The following ZNF467 variants were observed in gnomAD, a reference collection of about 807,000 sequenced individuals.
ZNF467 encodes zinc finger protein 467.
ZNF467 carries 51 observed loss-of-function variants against 47.8 expected under a neutral mutation model. The observed-to-expected ratio is 1.07, with a 90% CI of 0.85 to 1.35. The LOEUF (loss-of-function observed/expected upper bound fraction) is 1.35, where lower values mean the gene tolerates loss of function less well. Among genes scored for constraint, ZNF467 ranks in the 40% most tolerant of loss-of-function variants. The pLI is 0.00. For missense variants in ZNF467, 992 were observed against 858.1 expected (o/e 1.16, Z -1.95); for synonymous variants, 416 against 372.9 (o/e 1.12, Z -1.33).
chr7:149,772,076 T>G, intron 1 of ZNF467, among the ~76,000 whole-genome samples: 1 of 128,150 alleles, frequency 7.8e-6, no homozygotes, highest in South Asian at 2.9e-4. Flanking sequence ...CCCTCCTCTT[T>G]TCCTTCCTCG....
Position 149,765,966 on chromosome 7 carries a change from T to G in ZNF467, c.536A>C (p.Gln179Pro). Residue 179 changes from glutamine (Q) to proline (P), a missense_variant, in exon 5 of 5, where the codon CAG (glutamine) becomes CCG (proline). Physicochemically the swap from Gln to Pro is moderately conservative, Grantham distance 76. Coordinates refer to ENST00000302017, the MANE Select transcript of ZNF467 (RefSeq NM_207336.3). ...GGGGCCCTCGCCCCGGTGCAGCCGC[T>G]GGTGCAGTCGCAACGTCAGCTGGTC... Reference protein sequence around the residue: ...FRDQLTLRLHQRLHRGEGPCA... With the variant: ...FRDQLTLRLHPRLHRGEGPCA... 1 of 1,554,128 alleles carries G rather than the reference T, an allele frequency of 6.4e-7. No homozygotes were observed. Among genetic ancestry groups the G allele is most frequent in the Non-Finnish European group, 8.7e-7 (1 of 1,149,704 alleles).
intron 3 of ZNF467, 56 bp downstream of exon 3, chr7:149,770,384 C>T: frequency 7.9e-7 from 1 of 1,259,438 alleles, no homozygotes; most frequent in Non-Finnish European, 1.1e-6. Context: ...GTAGGGAGGG[C>T]AGGAGGAAAG....
upstream of ZNF467, chr7:149,776,422 GC>G (rs745964751): frequency 2.9e-6 from 4 of 1,357,476 alleles, no homozygotes; most frequent in Admixed American, 7.8e-5. Context: ...GGTACCCTGT[GC>G]CAGCCTCGAC....
rs1454203329 is a variant in ZNF467 at position 149,770,448 on chromosome 7, AC to A, written c.142del (p.Val48CysfsTer45). On this transcript the variant is annotated frameshift_variant, in exon 3 of 5. Coordinates refer to ENST00000302017, the MANE Select transcript of ZNF467 (RefSeq NM_207336.3). LOFTEE classifies it high-confidence loss of function. ...SSSREERALGVCSGHEAPTPE... is the reference protein window; with the variant it reads ...SSSREERALGXCSGHEAPTPE... The stretch of plus-strand genomic sequence containing the variant: ...GGGTTCCTGTTACCTACCTGAGCAC[AC>A]CCCCAGTGCTCTCTCTTCCCTAGAA... The A allele has an allele frequency of 1.9e-6, 3 of 1,603,310 alleles. No individual in the cohort carries two copies. Among genetic ancestry groups the A allele is most frequent in the Non-Finnish European group, 2.6e-6 (3 of 1,174,372 alleles).
chr7:149,776,252 C>A, upstream of ZNF467: 1 of 1,193,846 alleles, frequency 8.4e-7, no homozygotes, highest in Non-Finnish European at 1.1e-6. Flanking sequence ...ATCCTCCTTA[C>A]TTCAATAACC....
chr7:149,775,708 TAC>T (rs3085320), upstream of ZNF467, among the ~76,000 whole-genome samples: 25,390 of 138,384 alleles, frequency 0.18, 1,853 homozygotes, highest in East Asian at 0.27. Flanking sequence ...AGTGTGAAAA[TAC>T]ACACACACAC....
Position 149,765,013 on chromosome 7 carries a change from T to G in ZNF467, c.1489A>C (p.Ser497Arg). Residue 497 changes from serine (S) to arginine (R), a missense_variant, in exon 5 of 5, where the codon AGC (serine) becomes CGC (arginine). Coordinates refer to ENST00000302017, the MANE Select transcript of ZNF467 (RefSeq NM_207336.3). ...TGGCGGCCCAGGTGCGACTTGCGGC[T>G]GAAGCGGCGGCCGCACTGAGCGCAG... Reference protein sequence around the residue: ...FACAQCGRRFSRKSHLGRHQA... With the variant: ...FACAQCGRRFRRKSHLGRHQA... The G allele has an allele frequency of 6.3e-7, 1 of 1,581,354 alleles. No homozygotes were observed. The highest frequency in any genetic ancestry group is 8.6e-7 in the Non-Finnish European group (1 of 1,169,494).
At position 149,765,946 on chromosome 7, in the gene ZNF467, C is replaced by T. The variant is rs1325911504; in HGVS notation, c.556G>A (p.Gly186Ser). The T allele has an allele frequency of 5.8e-6, 9 of 1,552,514 alleles. No individual in the cohort carries two copies. The highest frequency in any genetic ancestry group is 7.8e-6 in the Non-Finnish European group (9 of 1,149,206). ...RLHQRLHRGE[G>S]PCACPDCGRS... is the part of the protein sequence containing the mutation. Reference sequence around the variant, plus strand: ...CCGCAGTCCGGGCAGGCGCAGGGGCCCTCGCCCCGGTGCAGCCGCTGGTGC... The same window carrying T: ...CCGCAGTCCGGGCAGGCGCAGGGGCTCTCGCCCCGGTGCAGCCGCTGGTGC... The change falls in exon 5 of 5, where the codon GGC (glycine) becomes AGC (serine). Residue 186 changes from glycine (G) to serine (S), a missense_variant. Coordinates refer to ENST00000302017, the MANE Select transcript of ZNF467 (RefSeq NM_207336.3).
At chr7:149,771,499 G>C (rs1799405675) in intron 1 of ZNF467, among the ~76,000 whole-genome samples, 1 of 152,142 alleles carries the variant, frequency 6.6e-6, no homozygotes, top group African/African-American at 2.4e-5. Context: ...TGCCCGAGCT[G>C]GTGAAATAGG....
chr7:149,765,115 G>A lies in ZNF467; in HGVS notation c.1387C>T (p.Gln463Ter), dbSNP rs964166550. 1.4e-6 allele frequency: 2 copies of A among 1,474,206 alleles called. No individual in the cohort carries two copies. Among genetic ancestry groups the A allele is most frequent in the Non-Finnish European group, 1.8e-6 (2 of 1,117,116 alleles). 91.3% of individuals were successfully genotyped at this position (1,474,206 alleles called of 1,614,324 possible). The change falls in exon 5 of 5, where the codon CAG (glutamine) becomes TAG (stop). Residue 463 changes from glutamine to a stop codon, truncating the protein, a stop_gained. Transcript: ENST00000302017. LOFTEE classifies it high-confidence loss of function. ...CGCGAGCCGAAGCGGCGGTCACACT[G>A]CGTGCAGGCGAAGGGCCGTTCGCCC... Reference protein sequence around the residue: ...HTGERPFACTQCDRRFGSRPN... With the variant: ...HTGERPFACT
rs764084597 is a variant in ZNF467, at chr7:149,765,551, C to T, written c.951G>A (p.Arg317=). Residue 317 remains arginine (R), a synonymous_variant, in exon 5 of 5, where the codon CGG becomes CGA. Coordinates refer to ENST00000302017, the MANE Select transcript of ZNF467 (RefSeq NM_207336.3). The part of the protein sequence containing the change: ...RSFTHKQHLV[R]HQRVHQTAGP... ...CGGCCGTCTGGTGCACCCTTTGGTG[C>T]CGCACCAAGTGCTGCTTGTGCGTGA... is the stretch of plus-strand genomic sequence containing the variant. The T allele has an allele frequency of 1.1e-5, 18 of 1,582,512 alleles. No homozygotes were observed. The highest frequency in any genetic ancestry group is 1.5e-5 in the Non-Finnish European group (18 of 1,164,452).
chr7:149,765,701 G>C lies in ZNF467; in HGVS notation c.801C>G (p.Thr267=), dbSNP rs768406178. 3 of 1,613,220 alleles carry C rather than the reference G, an allele frequency of 1.9e-6. No individual in the cohort carries two copies. In the South Asian group the frequency reaches 3.3e-5, roughly 18 times the overall value. ...CCGTGCAGGGGAAGGGCCGCTCGCC[G>C]GTGTGGGTCTTTTGGTGCGAGCCCA... The part of the protein sequence containing the change: ...IHLGSHQKTH[T]GERPFPCTEC... The change falls in exon 5 of 5, where the codon ACC becomes ACG. Residue 267 remains threonine (T), a synonymous_variant. Transcript: ENST00000302017.
chr7:149,766,377 A>C, intron 4 of ZNF467, 138 bp from the exon 5 acceptor site: 2 of 1,387,048 alleles, frequency 1.4e-6, no homozygotes, highest in Non-Finnish European at 1.9e-6. Flanking sequence ...GAGTGACCAA[A>C]TCCGCAGCTC....
At chr7:149,772,656 G>T (rs1278338941) in intron 1 of ZNF467, among the ~76,000 whole-genome samples, 1 of 142,444 alleles carries the variant, frequency 7.0e-6, no homozygotes, top group Non-Finnish European at 1.5e-5. Flanking sequence ...AGCTCCGATC[G>T]CCGACTTCAT....
chr7:149,776,114 C>T (rs148273580), upstream of ZNF467: 8,259 of 1,357,280 alleles, frequency 6.1e-3, 55 homozygotes, highest in South Asian at 0.02. Context: ...CCCTGGACCC[C>T]TCTGACAAGG....
chr7:149,765,794 G>A lies in ZNF467; in HGVS notation c.708C>T (p.Arg236=). The change falls in exon 5 of 5, where the codon CGC becomes CGT. Residue 236 remains arginine (R), a synonymous_variant. Coordinates refer to ENST00000302017, the MANE Select transcript of ZNF467 (RefSeq NM_207336.3). ...GGTAGGGCCGCTCGCCCGTGTGCGTGCGCAGGTGGCGGGTCAGATGGGCCT... is the reference window on the plus strand; with the variant it reads ...GGTAGGGCCGCTCGCCCGTGTGCGTACGCAGGTGGCGGGTCAGATGGGCCT... The part of the protein sequence containing the change: ...SKKAHLTRHL[R]THTGERPYPC... 6.2e-7 allele frequency: 1 copy of A among 1,611,348 alleles called. No individual in the cohort carries two copies. The highest frequency in any genetic ancestry group is 8.5e-7 in the Non-Finnish European group (1 of 1,178,948).
At position 149,765,837 on chromosome 7, in the gene ZNF467, T is replaced by A. The variant is rs1799189146; in HGVS notation, c.665A>T (p.Asp222Val). The change falls in exon 5 of 5, where the codon GAC (aspartate) becomes GTC (valine). Residue 222 changes from aspartate (D) to valine (V), a missense_variant. Physicochemically the swap from Asp to Val is radical, Grantham distance 152. Transcript: ENST00000302017. ...ATGGGCCTTCTTGCTGAAGCGCTTG[T>A]CGCACTCGGAGCACGGGAAAGGCCG... ...GERPFPCSEC[D>V]KRFSKKAHLT... 2 of 1,608,554 alleles carry A rather than the reference T, an allele frequency of 1.2e-6. No homozygotes were observed. Among genetic ancestry groups the A allele is most frequent in the Non-Finnish European group, 8.5e-7 (1 of 1,177,922 alleles).
At position 149,769,094 on chromosome 7, in the gene ZNF467, G is replaced by T; in HGVS notation, c.258C>A (p.Cys86Ter). The stretch of plus-strand genomic sequence containing the variant: ...TGAAGTGATGGGAAGACTCACCTGG[G>T]CAGGTACCCACAGGCTGAGCCTTCT... ...SAQKAQPVGT[C>*]PGEEWMIRKV... The change falls in exon 4 of 5, where the codon TGC (cysteine) becomes TGA (stop). Residue 86 changes from cysteine to a stop codon, truncating the protein, a stop_gained. Transcript: ENST00000302017. LOFTEE classifies it high-confidence loss of function. This position sits in a 1 kb window ranked among gnomAD's most constrained non-coding sequence, Gnocchi z 5.3. 3 of 1,548,436 alleles carry T rather than the reference G, an allele frequency of 1.9e-6. No individual in the cohort carries two copies. In the South Asian group the frequency reaches 3.6e-5, roughly 19 times the overall value.
chr7:149,764,566 G>C lies in ZNF467; in HGVS notation c.*148C>G, dbSNP rs945865185. On this transcript the variant is annotated 3_prime_UTR_variant, in exon 5 of 5. Coordinates refer to ENST00000302017, the MANE Select transcript of ZNF467 (RefSeq NM_207336.3). ...GAGGTCCGAGCTGGGTATGCTGTGCGGACGCAGACACTGCGGGAAGGAAAC... is the reference window on the plus strand; with the variant it reads ...GAGGTCCGAGCTGGGTATGCTGTGCCGACGCAGACACTGCGGGAAGGAAAC... 7.1e-7 allele frequency: 1 copy of C among 1,412,066 alleles called. No individual in the cohort carries two copies. The highest frequency in any genetic ancestry group is 9.7e-7 in the Non-Finnish European group (1 of 1,027,316). 87.5% of individuals were successfully genotyped at this position (1,412,066 alleles called of 1,614,324 possible).
Sources: allele counts gnomAD v4.1 joint callset (sites outside exome capture counted in the v4.1 genomes callset), GRCh38; gene constraint gnomAD v4.1.1; non-coding constraint Gnocchi (gnomAD v3.1); transcripts MANE v1.5; gene names NCBI Gene and HGNC (gene_info 2026-07-23, HGNC 2026-07-21).